Variants in MKNK1 observed in about 807,000 individuals in gnomAD.
MKNK1 encodes the protein MAP kinase-interacting serine/threonine-protein kinase 1.
A neutral mutation model predicts 49.3 loss-of-function variants in MKNK1; 30 were observed. The ratio of observed to expected loss-of-function variants is 0.61; its 90% CI spans 0.46 to 0.83. The LOEUF is 0.83. Among genes scored for constraint, MKNK1 ranks in the 40% least tolerant of loss-of-function variants. The pLI, the probability that MKNK1 is intolerant of heterozygous loss-of-function variation, is 0.00. For synonymous variants in MKNK1, 176 were observed against 201.7 expected (o/e 0.87, Z 1.08); for missense variants, 423 against 524.7 (o/e 0.81, Z 1.89).
At chr1:46,588,493 G>T (rs56252643) in intron 2 of MKNK1, among the ~76,000 whole-genome samples, 2,813 of 152,280 alleles carry the variant, frequency 0.018, 81 homozygotes, top group African/African-American at 0.063. Context: ...AACAACCAAT[G>T]TTATTTTTAT....
chr1:46,568,531 A>G (rs892766381), intron 7 of MKNK1, 33 bp from the exon 8 acceptor site: 1 of 1,591,224 alleles, frequency 6.3e-7, no homozygotes, highest in African/African-American at 1.3e-5. Flanking sequence ...AATGGTTAAC[A>G]TATGCAGATA....
At chr1:46,568,251 A>T in intron 8 of MKNK1, 192 bp downstream of exon 8, 1 of 597,562 alleles carries the variant, frequency 1.7e-6, no homozygotes, top group East Asian at 2.9e-5. Context: ...AATCACACTG[A>T]TGATCAAGAG....
At position 46,576,616 on chromosome 1, in the gene MKNK1, C is replaced by T. The variant is rs959740846; in HGVS notation, c.237G>A (p.Val79=). The T allele has an allele frequency of 6.2e-7, 1 of 1,614,052 alleles. No homozygotes were observed. The highest frequency in any genetic ancestry group is 1.3e-5 in the African/African-American group (1 of 74,930). The change falls in exon 5 of 13, where the codon GTG becomes GTA. Residue 79 remains valine, a synonymous_variant. Coordinates refer to ENST00000371945, the MANE Select transcript of MKNK1 (RefSeq NM_001135553.4). ...EKQAGHSRSR[V]FREVETLYQC... ...GATACAGCGTCTCCACCTCTCGAAA[C>T]ACCCTACTCCGACTGTGCCCTGCTT...
At chr1:46,590,895 A>G (rs537029817) in intron 2 of MKNK1, among the ~76,000 whole-genome samples, 9 of 152,334 alleles carry the variant, frequency 5.9e-5, no homozygotes, top group African/African-American at 2.2e-4. Context: ...CCACATTATC[A>G]TCGTCCTATT....
intron 12 of MKNK1, 122 bp downstream of exon 12, chr1:46,560,112 T>A: frequency 9.4e-7 from 1 of 1,065,576 alleles, no homozygotes; most frequent in Middle Eastern, 2.3e-4. Context: ...GGAGGGGAAA[T>A]GGGCAGGGAG....
At chr1:46,565,210 C>T (rs927391026) in intron 8 of MKNK1, 74 bp from the exon 9 acceptor site, 51 of 1,366,148 alleles carry the variant, frequency 3.7e-5, no homozygotes, top group South Asian at 7.0e-5. Context: ...CATGGCTGTA[C>T]GGGTGCATGG....
intron 5 of MKNK1, chr1:46,575,504 T>C (rs1670823180): frequency 6.4e-6 from 1 of 156,558 alleles, no homozygotes; most frequent in South Asian, 1.9e-4. Flanking sequence ...GGGCCTAACA[T>C]GGGCACCGCT....
intron 2 of MKNK1, among the ~76,000 whole-genome samples, chr1:46,588,545 C>T (rs1177312817): frequency 6.6e-6 from 1 of 152,160 alleles, no homozygotes. Context: ...TGGTGGCTCA[C>T]GCCTGTAATC....
chr1:46,576,299 C>T, intron 5 of MKNK1: 1 of 348,476 alleles, frequency 2.9e-6, no homozygotes. Flanking sequence ...AATAAAACCC[C>T]ATTTCCCCCC....
intron 7 of MKNK1, chr1:46,569,659 A>G (rs529308415): frequency 1.8e-4 from 28 of 152,396 alleles, no homozygotes; most frequent in Non-Finnish European, 2.9e-4. Context: ...GCACTTCACT[A>G]AAGAAGAAAA....
intron 7 of MKNK1, chr1:46,569,313 G>A (rs41294802): frequency 3.9e-5 from 6 of 152,386 alleles, no homozygotes; most frequent in Non-Finnish European, 8.8e-5. Flanking sequence ...CCCATGAGGG[G>A]TTAACCTGCT....
chr1:46,563,620 T>G (rs562466786), intron 9 of MKNK1: 1 of 152,232 alleles, frequency 6.6e-6, no homozygotes, highest in African/African-American at 2.4e-5. Flanking sequence ...TATTGTCAAT[T>G]AGAATTAATG....
At chr1:46,567,124 G>A (rs1312067387) in intron 8 of MKNK1, among the ~76,000 whole-genome samples, 2 of 152,148 alleles carry the variant, frequency 1.3e-5, no homozygotes, top group South Asian at 2.1e-4. Context: ...TAAATTTTTT[G>A]TGGAGATGGG....
intron 4 of MKNK1, among the ~76,000 whole-genome samples, chr1:46,577,790 G>A (rs1314483285): frequency 6.6e-6 from 1 of 152,214 alleles, no homozygotes; most frequent in Non-Finnish European, 1.5e-5. Context: ...GGGACTGGCT[G>A]CCTCTGCAAA....
At chr1:46,560,203 A>G in intron 12 of MKNK1, 31 bp downstream of exon 12, 1 of 1,612,950 alleles carries the variant, frequency 6.2e-7, no homozygotes, top group Non-Finnish European at 8.5e-7. Context: ...CTTGAGGAAG[A>G]GCATGGCGTG....
chr1:46,566,765 T>C (rs1341839551), intron 8 of MKNK1, among the ~76,000 whole-genome samples: 1 of 152,250 alleles, frequency 6.6e-6, no homozygotes, highest in East Asian at 1.9e-4. Context: ...CATGTACTTG[T>C]TGGACATTTG....
At chr1:46,576,908 G>A (rs1671049226) in intron 4 of MKNK1, among the ~76,000 whole-genome samples, 1 of 152,192 alleles carries the variant, frequency 6.6e-6, no homozygotes, top group South Asian at 2.1e-4. Flanking sequence ...TGAGGCTGCT[G>A]CCCCCAGCTG....
intron 5 of MKNK1, chr1:46,576,284 A>C (rs1179761271): frequency 1.5e-5 from 5 of 341,202 alleles, no homozygotes. Flanking sequence ...ACAGGTACCG[A>C]AAGAAATAAA....
At position 46,557,985 on chromosome 1, in the gene MKNK1, T is replaced by C. The variant is rs1183518994; in HGVS notation, c.*590A>G. On this transcript the variant is annotated 3_prime_UTR_variant, in exon 13 of 13. Transcript: ENST00000371945. Reference sequence around the variant, plus strand: ...CATTTCAGTCACAGCAAAGAAAGATTATGTGCTTTTCCGTGCTGCAGACCG... The same window carrying C: ...CATTTCAGTCACAGCAAAGAAAGATCATGTGCTTTTCCGTGCTGCAGACCG... 6.6e-6 allele frequency: 1 copy of C among 152,648 alleles called. No individual in the cohort carries two copies. Among genetic ancestry groups the C allele is most frequent in the African/African-American group, 2.4e-5 (1 of 41,424 alleles). The allele number at this position is 152,648 out of a possible 1,614,324, so 9.5% of individuals were successfully genotyped here.
Sources: gnomAD v4.1 joint callset for allele counts (sites outside exome capture counted in the v4.1 genomes callset) on GRCh38, gnomAD v4.1.1 for gene constraint, MANE v1.5 for transcripts, NCBI Gene and HGNC (gene_info 2026-07-23, HGNC 2026-07-21) for gene names.